EYS: variants seen among roughly 807,000 people sequenced by gnomAD.
The protein encoded by EYS is protein eyes shut homolog.
EYS carries 250 observed loss-of-function variants against 282.1 expected under a neutral mutation model. The ratio of observed to expected loss-of-function variants is 0.89; its 90% CI spans 0.80 to 0.98. The LOEUF (loss-of-function observed/expected upper bound fraction) is 0.98. Ranked by LOEUF, EYS falls within the 50% of genes least tolerant of loss-of-function variation. EYS has a pLI of 0.00. For missense variants in EYS, 4,016 were observed against 3,709.0 expected, an observed-to-expected ratio of 1.08 and a Z score of -2.15; for synonymous variants, 1,355 against 1,282.9, an observed-to-expected ratio of 1.06 and a Z score of -1.20.
Position 65,642,260 on chromosome 6 carries a change from T to C in EYS, c.-447-2368A>G, listed in dbSNP as rs368000990. 3.9e-5 allele frequency among the ~76,000 whole-genome samples: 6 copies of C among 152,298 alleles called. No homozygotes were observed. In the South Asian group the frequency reaches 1.2e-3, roughly 32 times the overall value. On this transcript the variant is annotated intron_variant, in intron 1 of 42. Transcript: ENST00000503581. ...TGGGTACATGCTTTTGGTGTGTTTT[T>C]ACTTTATGTACCTGGCTACCTTTGA...
intron 13 of EYS, among the ~76,000 whole-genome samples, chr6:65,046,206 T>G (rs1010430412): frequency 6.6e-6 from 1 of 151,838 alleles, no homozygotes; most frequent in Non-Finnish European, 1.5e-5. Flanking sequence ...TAGAGAAAAA[T>G]CACACAAGTT....
intron 12 of EYS, among the ~76,000 whole-genome samples, chr6:65,287,304 T>C (rs909292966): frequency 4.6e-5 from 7 of 151,496 alleles, no homozygotes; most frequent in African/African-American, 1.7e-4. Context: ...GCTAAACATA[T>C]CATTACAAAT....
At chr6:65,579,095 G>A (rs144874648) in intron 2 of EYS, among the ~76,000 whole-genome samples, 3 of 152,162 alleles carry the variant, frequency 2.0e-5, no homozygotes, top group Admixed American at 1.3e-4. Context: ...TGACCTAATG[G>A]CCAACTCAAC....
intron 31 of EYS, among the ~76,000 whole-genome samples, chr6:64,155,889 C>A (rs945379300): frequency 6.6e-6 from 1 of 151,764 alleles, no homozygotes; most frequent in African/African-American, 2.4e-5. Flanking sequence ...AGTCCCCTAA[C>A]GATAAAATGA....
intron 24 of EYS, among the ~76,000 whole-genome samples, chr6:64,613,633 G>A (rs1182733489): frequency 6.6e-6 from 1 of 151,734 alleles, no homozygotes; most frequent in Non-Finnish European, 1.5e-5. Flanking sequence ...AACCTCTGCT[G>A]GAGCCAAAAC....
rs147620425 is a variant in EYS at position 64,747,512 on chromosome 6, C to A, written c.3443+65866G>T. ...TCTCCTACCTCAGACTCCAGAGTAGCTGGGATTACAGGCACGCATCACCAT... is the reference window on the plus strand; with the variant it reads ...TCTCCTACCTCAGACTCCAGAGTAGATGGGATTACAGGCACGCATCACCAT... On this transcript the variant is annotated intron_variant, in intron 22 of 42. Coordinates refer to ENST00000503581, the MANE Select transcript of EYS (RefSeq NM_001142800.2). 2.8e-3 allele frequency among the ~76,000 whole-genome samples: 421 copies of A among 152,252 alleles called. 1 individual carries two copies. The highest frequency in any genetic ancestry group is 9.4e-3 in the African/African-American group (389 of 41,534).
intron 35 of EYS, among the ~76,000 whole-genome samples, chr6:63,965,866 A>T (rs1351147238): frequency 6.6e-6 from 1 of 152,192 alleles, no homozygotes; most frequent in Non-Finnish European, 1.5e-5. Flanking sequence ...TGCCAGTGAA[A>T]AGAATCATGG....
chr6:63,915,038 G>T (rs188999633), intron 35 of EYS, among the ~76,000 whole-genome samples: 2 of 152,266 alleles, frequency 1.3e-5, no homozygotes, highest in Middle Eastern at 3.4e-3. Flanking sequence ...GATGAAGGTG[G>T]CTACACTAAA....
At chr6:65,314,990 G>A (rs1224815544) in intron 11 of EYS, among the ~76,000 whole-genome samples, 1 of 152,032 alleles carries the variant, frequency 6.6e-6, no homozygotes, top group Non-Finnish European at 1.5e-5. Context: ...TGATAGTTAT[G>A]GAATTTGCTG....
intron 12 of EYS, among the ~76,000 whole-genome samples, chr6:65,245,848 TG>T (rs992640504): frequency 4.6e-5 from 7 of 152,042 alleles, no homozygotes; most frequent in South Asian, 2.1e-4. Context: ...TTTCTGGCCA[TG>T]GGGGGAAGAT....
intron 16 of EYS, among the ~76,000 whole-genome samples, chr6:64,910,325 G>C (rs1767952961): frequency 6.6e-6 from 1 of 152,084 alleles, no homozygotes; most frequent in Non-Finnish European, 1.5e-5. Flanking sequence ...ATGTTGCATA[G>C]TCAACTTTTG....
chr6:65,597,744 G>A (rs1292241175), intron 2 of EYS, among the ~76,000 whole-genome samples: 1 of 151,624 alleles, frequency 6.6e-6, no homozygotes, highest in African/African-American at 2.4e-5. Flanking sequence ...CCTTATTTAG[G>A]TTCCTTGAAA....
At chr6:64,896,553 T>G (rs76437926) in intron 18 of EYS, among the ~76,000 whole-genome samples, 85,458 of 150,210 alleles carry the variant, frequency 0.57, 25,237 homozygotes, top group Non-Finnish European at 0.63. Context: ...TTGTTTTTTT[T>G]TTTTTTTTTT....
At chr6:63,751,505 A>G (rs1457558152) in intron 41 of EYS, among the ~76,000 whole-genome samples, 1 of 152,196 alleles carries the variant, frequency 6.6e-6, no homozygotes, top group Non-Finnish European at 1.5e-5. Context: ...TTAAAGCTTT[A>G]TCACAATAAG....
intron 28 of EYS, among the ~76,000 whole-genome samples, chr6:64,393,392 G>A (rs191487911): frequency 6.6e-6 from 1 of 152,268 alleles, no homozygotes; most frequent in African/African-American, 2.4e-5. Flanking sequence ...ATAAAATACT[G>A]GCAAAACGAA....
At chr6:64,492,545 C>T (rs1157725645) in intron 26 of EYS, among the ~76,000 whole-genome samples, 1 of 151,036 alleles carries the variant, frequency 6.6e-6, no homozygotes, top group Non-Finnish European at 1.5e-5. Context: ...ATGTTGCCCC[C>T]ACACACACCA....
intron 5 of EYS, among the ~76,000 whole-genome samples, chr6:65,487,107 A>G (rs1369691343): frequency 6.6e-6 from 1 of 152,182 alleles, no homozygotes; most frequent in Non-Finnish European, 1.5e-5. Context: ...ATATACAATC[A>G]TGTCATCTGC....
intron 13 of EYS, among the ~76,000 whole-genome samples, chr6:65,019,556 C>T (rs774273176): frequency 1.3e-5 from 2 of 152,054 alleles, no homozygotes; most frequent in African/African-American, 2.4e-5. Flanking sequence ...GTTTGTAGTA[C>T]AAAATAAATG....
intron 2 of EYS, among the ~76,000 whole-genome samples, chr6:65,501,834 G>A (rs188176361): frequency 7.6e-4 from 115 of 151,544 alleles, no homozygotes; most frequent in Non-Finnish European, 1.5e-3. Context: ...CAACTTTGCC[G>A]TTATCTAGAG....
Sources: allele counts gnomAD v4.1 joint callset (sites outside exome capture counted in the v4.1 genomes callset), GRCh38; gene constraint gnomAD v4.1.1; transcripts MANE v1.5; gene names NCBI Gene and HGNC (gene_info 2026-07-23, HGNC 2026-07-21).